The following MACROD2 variants were observed in gnomAD, a reference collection of about 807,000 sequenced individuals.
The protein encoded by MACROD2 is ADP-ribose glycohydrolase MACROD2.
In MACROD2, 36 loss-of-function variants were observed where a neutral mutation model predicts 70.4. That is an observed-to-expected ratio of 0.51 (90% CI 0.39 to 0.68). MACROD2 has a LOEUF of 0.68. Ranked by LOEUF, MACROD2 falls within the 30% of genes least tolerant of loss-of-function variation. The pLI, the probability that MACROD2 is intolerant of heterozygous loss-of-function variation, is 0.00. For missense variants in MACROD2, 496 were observed against 538.4 expected (o/e 0.92, Z 0.78); for synonymous variants, 172 against 178.8 (o/e 0.96, Z 0.30).
chr20:15,490,975 A>G (rs1213315541), intron 7 of MACROD2, among the ~76,000 whole-genome samples: 1 of 152,220 alleles, frequency 6.6e-6, no homozygotes, highest in Admixed American at 6.5e-5. Flanking sequence ...CCATTTACAG[A>G]GCAACTCATC....
At chr20:15,128,156 G>T (rs889071036) in intron 5 of MACROD2, among the ~76,000 whole-genome samples, 1 of 152,056 alleles carries the variant, frequency 6.6e-6, no homozygotes, top group Non-Finnish European at 1.5e-5. Flanking sequence ...TTAAAAAGAG[G>T]CAGGTGTTTT....
At chr20:15,000,210 T>G (rs1446988691) in intron 5 of MACROD2, among the ~76,000 whole-genome samples, 1 of 152,256 alleles carries the variant, frequency 6.6e-6, no homozygotes, top group African/African-American at 2.4e-5. Context: ...ATTAAATTTT[T>G]TTTATTTTCC....
intron 5 of MACROD2, among the ~76,000 whole-genome samples, chr20:14,886,912 C>T (rs1355122546): frequency 6.6e-6 from 1 of 152,158 alleles, no homozygotes; most frequent in Non-Finnish European, 1.5e-5. Flanking sequence ...CCCAGGTTCT[C>T]ATTCCGACAT....
intron 5 of MACROD2, among the ~76,000 whole-genome samples, chr20:15,207,846 CTT>C (rs1456300293): frequency 6.6e-6 from 1 of 151,954 alleles, no homozygotes; most frequent in African/African-American, 2.4e-5. Flanking sequence ...AAGATTTTTT[CTT>C]TGTTTTTAGT....
At chr20:15,347,817 C>T (rs2078182944) in intron 6 of MACROD2, among the ~76,000 whole-genome samples, 1 of 152,144 alleles carries the variant, frequency 6.6e-6, no homozygotes, top group Admixed American at 6.6e-5. Context: ...CTGCTTCTGA[C>T]ACATAGTGGG....
intron 5 of MACROD2, among the ~76,000 whole-genome samples, chr20:14,734,517 C>CAA (rs202008692): frequency 2.4e-5 from 3 of 124,208 alleles, no homozygotes; most frequent in African/African-American, 8.5e-5. Flanking sequence ...AACAAAAAAA[C>CAA]AAAAAAAACA....
At chr20:14,412,260 C>A (rs941861462) in intron 3 of MACROD2, among the ~76,000 whole-genome samples, 1 of 152,160 alleles carries the variant, frequency 6.6e-6, no homozygotes, top group Admixed American at 6.6e-5. Context: ...TCCCGTCCCC[C>A]CTAGGCCCTT....
intron 5 of MACROD2, among the ~76,000 whole-genome samples, chr20:14,824,571 C>G (rs1164944138): frequency 6.6e-6 from 1 of 152,032 alleles, no homozygotes; most frequent in Non-Finnish European, 1.5e-5. Flanking sequence ...TGGGAGGTCT[C>G]AATTCTCCTC....
intron 3 of MACROD2, among the ~76,000 whole-genome samples, chr20:14,133,698 T>G (rs1456987680): frequency 2.0e-5 from 3 of 152,240 alleles, no homozygotes; most frequent in Non-Finnish European, 4.4e-5. Context: ...CTAACTAACA[T>G]TTTTGGCATG....
At chr20:15,587,157 A>C (rs549273390) in intron 8 of MACROD2, among the ~76,000 whole-genome samples, 2 of 152,300 alleles carry the variant, frequency 1.3e-5, no homozygotes, top group East Asian at 3.9e-4. Context: ...ATGGCAGGAG[A>C]TGAAAGGTAC....
At chr20:14,131,071 C>T (rs1035168519) in intron 3 of MACROD2, among the ~76,000 whole-genome samples, 1 of 151,858 alleles carries the variant, frequency 6.6e-6, no homozygotes, top group Non-Finnish European at 1.5e-5. Context: ...ACTGCAGGAA[C>T]GTGCCACCAC....
chr20:16,037,087 A>G (rs1209795500), intron 15 of MACROD2, among the ~76,000 whole-genome samples: 8 of 151,928 alleles, frequency 5.3e-5, no homozygotes, highest in African/African-American at 1.7e-4. Flanking sequence ...ATCTCATACT[A>G]ATCTATGCCA....
chr20:15,300,017 A>G (rs2146124042), intron 6 of MACROD2, among the ~76,000 whole-genome samples: 1 of 152,220 alleles, frequency 6.6e-6, no homozygotes, highest in African/African-American at 2.4e-5. Context: ...GCTTTATTTT[A>G]TGGTTCCCTA....
intron 5 of MACROD2, among the ~76,000 whole-genome samples, chr20:14,943,291 T>C (rs897474219): frequency 6.6e-6 from 1 of 152,194 alleles, no homozygotes; most frequent in Non-Finnish European, 1.5e-5. Context: ...ACTTTAAGTA[T>C]GTTAAATGTC....
chr20:15,262,876 C>T (rs1431904655), intron 6 of MACROD2, among the ~76,000 whole-genome samples: 1 of 151,426 alleles, frequency 6.6e-6, no homozygotes, highest in Non-Finnish European at 1.5e-5. Context: ...AACCTTTTGG[C>T]CAGATTATTA....
chr20:14,231,938 C>T (rs2081817513), intron 3 of MACROD2, among the ~76,000 whole-genome samples: 1 of 152,140 alleles, frequency 6.6e-6, no homozygotes, highest in African/African-American at 2.4e-5. Flanking sequence ...TAAATGTCTT[C>T]CTTTGAGAAG....
chr20:15,485,847 A>G (rs1170890832), intron 7 of MACROD2, among the ~76,000 whole-genome samples: 1 of 152,202 alleles, frequency 6.6e-6, no homozygotes, highest in Non-Finnish European at 1.5e-5. Context: ...GGTAAAACTT[A>G]GAAATCCAAA....
chr20:15,910,875 G>T (rs1446769457), intron 10 of MACROD2, among the ~76,000 whole-genome samples: 1 of 152,162 alleles, frequency 6.6e-6, no homozygotes, highest in African/African-American at 2.4e-5. Context: ...AAGTCTATTT[G>T]ATACTTAATT....
chr20:15,916,493 A>G (rs1303686547), intron 10 of MACROD2, among the ~76,000 whole-genome samples: 2 of 152,230 alleles, frequency 1.3e-5, no homozygotes, highest in African/African-American at 4.8e-5. Context: ...TCTTGAAGGG[A>G]GGAATCTCTA....
Sources: gnomAD v4.1 joint callset for allele counts (sites outside exome capture counted in the v4.1 genomes callset) on GRCh38, gnomAD v4.1.1 for gene constraint, MANE v1.5 for transcripts, NCBI Gene and HGNC (gene_info 2026-07-23, HGNC 2026-07-21) for gene names.